The following TNFSF13 variants were observed in gnomAD, a reference collection of about 807,000 sequenced individuals.
TNFSF13 encodes the protein tumor necrosis factor ligand superfamily member 13.
Under a neutral mutation model 30.7 loss-of-function variants are expected in TNFSF13, and 18 were observed. The observed-to-expected ratio is 0.59, with a 90% CI of 0.41 to 0.87. The LOEUF is 0.87. Ranked by LOEUF, TNFSF13 falls within the 40% of genes least tolerant of loss-of-function variation. TNFSF13 has a pLI of 0.00. For synonymous variants in TNFSF13, 116 were observed against 123.2 expected, an observed-to-expected ratio of 0.94 and a Z score of 0.39; for missense variants, 286 against 308.8, an observed-to-expected ratio of 0.93 and a Z score of 0.55.
chr17:7,560,005 C>T (rs369366358), intron 3 of TNFSF13, 44 bp from the exon 4 acceptor site: 2 of 1,614,080 alleles, frequency 1.2e-6, no homozygotes, highest in Admixed American at 1.7e-5. Context: ...CAAAAAGCAC[C>T]TGAGAGTGCC....
Position 7,560,055 on chromosome 17 carries a change from C to T in TNFSF13, c.392C>T (p.Ser131Phe). ...GACACACTCTCACCTCCAGATGACT[C>T]CGATGTGACAGAGGTGATGTGGCAA... ...VPINATSKDD[S>F]DVTEVMWQPA... The change falls in exon 4 of 6, where the codon TCC (serine) becomes TTC (phenylalanine). Residue 131 changes from serine to phenylalanine, a missense_variant. Physicochemically the swap from Ser to Phe is radical, Grantham distance 155. Transcript: ENST00000338784. 6.2e-7 allele frequency: 1 copy of T among 1,614,124 alleles called. No individual in the cohort carries two copies. Among genetic ancestry groups the T allele is most frequent in the African/African-American group, 1.3e-5 (1 of 75,022 alleles).
Position 7,561,095 on chromosome 17 carries a change from T to A in TNFSF13, c.*262T>A. 5.0e-6 allele frequency: 8 copies of A among 1,598,088 alleles called. No individual in the cohort carries two copies. The South Asian group carries it at 8.8e-5, about 18-fold the overall frequency. ...GGCGGGGGACGGGCGCCAGGCATTGTCCAGACCTGGTCGGGGCCCACTGGA... is the reference window on the plus strand; with the variant it reads ...GGCGGGGGACGGGCGCCAGGCATTGACCAGACCTGGTCGGGGCCCACTGGA... On this transcript the variant is annotated 3_prime_UTR_variant, in exon 6 of 6. Transcript: ENST00000338784. The surrounding 1 kb of genome is among the most constrained non-coding windows in gnomAD (Gnocchi z 4.4).
Position 7,560,627 on chromosome 17 carries a change from A to C in TNFSF13, c.644-97A>C, listed in dbSNP as rs1051398741. ...GAAGTGCAGAATGCCGGGTCCTTAC[A>C]GGAGGCAGAGGAACGGTGGAGCTGG... On this transcript the variant is annotated intron_variant, in intron 5 of 5. Transcript: ENST00000338784. 3.7e-6 allele frequency: 6 copies of C among 1,611,450 alleles called. No homozygotes were observed. In the African/African-American group the frequency reaches 8.0e-5, roughly 22 times the overall value.
chr17:7,560,310 A>T, intron 4 of TNFSF13, 40 bp from the exon 5 acceptor site: 1 of 1,612,958 alleles, frequency 6.2e-7, no homozygotes, highest in Non-Finnish European at 8.5e-7. Flanking sequence ...GAACTGAGCC[A>T]GGCCATCCTG....
chr17:7,560,534 GGT>G, intron 5 of TNFSF13, 46 bp downstream of exon 5: 1 of 1,613,170 alleles, frequency 6.2e-7, no homozygotes, highest in Non-Finnish European at 8.5e-7. Flanking sequence ...TCTGACCGGG[GGT>G]AGCAGTGCAG....
Position 7,559,648 on chromosome 17 carries a change from G to A in TNFSF13, c.283G>A (p.Glu95Lys), listed in dbSNP as rs768398772. Reference protein sequence around the residue: ...EQSSDALEAWENGERSRKRRA... With the variant: ...EQSSDALEAWKNGERSRKRRA... Reference sequence around the variant, plus strand: ...GAGTTCCGATGCCCTGGAAGCCTGGGAGAATGGGGAGAGATCCCGGAAAAG... The same window carrying A: ...GAGTTCCGATGCCCTGGAAGCCTGGAAGAATGGGGAGAGATCCCGGAAAAG... Residue 95 changes from glutamate (E) to lysine (K), a missense_variant, in exon 2 of 6, where the codon GAG becomes AAG. Transcript: ENST00000338784. The surrounding 1 kb of genome is among the most constrained non-coding windows in gnomAD (Gnocchi z 5.4). The A allele has an allele frequency of 3.4e-5, 55 of 1,613,548 alleles. No homozygotes were observed. The highest frequency in any genetic ancestry group is 2.3e-4 in the African/African-American group (17 of 74,880).
rs1453142871 is a variant in TNFSF13 at position 7,559,346 on chromosome 17, G to T, written c.258+49G>T. On this transcript the variant is annotated intron_variant, in intron 1 of 5. Transcript: ENST00000338784. The surrounding 1 kb of genome is among the most constrained non-coding windows in gnomAD (Gnocchi z 5.4). The stretch of plus-strand genomic sequence containing the variant: ...TGGGAGAGGATGGTTAGCATGGGGG[G>T]TCTCTGGGCCTCCTGGTCTGCAAAG... 6 of 1,527,180 alleles carry T rather than the reference G, an allele frequency of 3.9e-6. No homozygotes were observed. Among genetic ancestry groups the T allele is most frequent in the East Asian group, 2.3e-5 (1 of 43,074 alleles). 94.6% of individuals were successfully genotyped at this position (1,527,180 alleles called of 1,614,324 possible).
At chr17:7,560,663 G>A in intron 5 of TNFSF13, 61 bp from the exon 6 acceptor site, 1 of 1,612,996 alleles carries the variant, frequency 6.2e-7, no homozygotes, top group South Asian at 1.1e-5. Context: ...AGAAGGCAGG[G>A]GGAAACAGGG....
In TNFSF13 at chr17:7,560,185, C is replaced by CT. The variant is rs1421639612; in HGVS notation, c.504+19dup. The CT allele has an allele frequency of 1.2e-6, 2 of 1,613,924 alleles. No homozygotes were observed. The highest frequency in any genetic ancestry group is 1.7e-6 in the Non-Finnish European group (2 of 1,179,936). ...ATAGCCAGGTAACCCCAGCCACACT[C>CT]TGAGCTTCACAGAGGGCCTCTTTGG... On this transcript the variant is annotated intron_variant, in intron 4 of 5. Coordinates refer to ENST00000338784, the MANE Select transcript of TNFSF13 (RefSeq NM_003808.4).
Position 7,559,409 on chromosome 17 carries a change from G to T in TNFSF13, c.258+112G>T. 1 of 1,447,516 alleles carries T rather than the reference G, an allele frequency of 6.9e-7. No homozygotes were observed. The highest frequency in any genetic ancestry group is 1.4e-5 in the African/African-American group (1 of 69,958). 89.7% of individuals were successfully genotyped at this position (1,447,516 alleles called of 1,614,324 possible). A position where few individuals can be genotyped will look rare whatever the true frequency, so the allele number is the denominator to read the frequency against. On this transcript the variant is annotated intron_variant, in intron 1 of 5. Coordinates refer to ENST00000338784, the MANE Select transcript of TNFSF13 (RefSeq NM_003808.4). The surrounding 1 kb of genome is among the most constrained non-coding windows in gnomAD (Gnocchi z 5.4). ...GCAAGAGAGGGTCTCCGGTTTGGAA[G>T]TCAGGGGCGCGGCCATTCCAGGAAA...
rs1394847523 is a variant in TNFSF13 at position 7,561,201 on chromosome 17, C to T, written c.*368C>T. 7 of 789,610 alleles carry T rather than the reference C, an allele frequency of 8.9e-6. No individual in the cohort carries two copies. The East Asian group carries it at 1.7e-4, about 20-fold the overall frequency. The allele number at this position is 789,610 out of a possible 1,614,324, so 48.9% of individuals were successfully genotyped here. ...TGGCCGAAGTCCACGAAGCCGCCCT[C>T]TGCTAGGGAAAACCCCTGGTTCTCC... is the stretch of plus-strand genomic sequence containing the variant. On this transcript the variant is annotated 3_prime_UTR_variant, in exon 6 of 6. Coordinates refer to ENST00000338784, the MANE Select transcript of TNFSF13 (RefSeq NM_003808.4). The surrounding 1 kb of genome is among the most constrained non-coding windows in gnomAD (Gnocchi z 4.4).
rs756317144 is a variant in TNFSF13 at position 7,559,600 on chromosome 17, C to T, written c.259-24C>T. 2.4e-5 allele frequency: 39 copies of T among 1,611,408 alleles called. No individual in the cohort carries two copies. In the South Asian group the frequency reaches 4.3e-4, roughly 18 times the overall value. On this transcript the variant is annotated intron_variant, in intron 1 of 5. Transcript: ENST00000338784. The surrounding 1 kb of genome is among the most constrained non-coding windows in gnomAD (Gnocchi z 5.4). ...CTGGGACCCTCGCATCTTAACCTAA[C>T]CTTGACCCTCTTTCCATGAGCAGAG... is the stretch of plus-strand genomic sequence containing the variant.
chr17:7,559,374 T>C lies in TNFSF13; in HGVS notation c.258+77T>C. On this transcript the variant is annotated intron_variant, in intron 1 of 5. Coordinates refer to ENST00000338784, the MANE Select transcript of TNFSF13 (RefSeq NM_003808.4). The surrounding 1 kb of genome is among the most constrained non-coding windows in gnomAD (Gnocchi z 5.4). Reference sequence around the variant, plus strand: ...TCTGGGCCTCCTGGTCTGCAAAGTTTCAAGGGGGTGCAAGAGAGGGTCTCC... The same window carrying C: ...TCTGGGCCTCCTGGTCTGCAAAGTTCCAAGGGGGTGCAAGAGAGGGTCTCC... 2 of 1,482,966 alleles carry C rather than the reference T, an allele frequency of 1.3e-6. No homozygotes were observed. The highest frequency in any genetic ancestry group is 2.8e-5 in the South Asian group (2 of 72,426). 91.9% of individuals were successfully genotyped at this position (1,482,966 alleles called of 1,614,324 possible).
chr17:7,560,673 G>A (rs369516848), intron 5 of TNFSF13, 51 bp from the exon 6 acceptor site: 1 of 1,613,334 alleles, frequency 6.2e-7, no homozygotes, highest in Non-Finnish European at 8.5e-7. Flanking sequence ...GGGAAACAGG[G>A]CATCTGGATG....
chr17:7,559,978 GGTGAAAGGGAAAGAACCAAAAA>G lies in TNFSF13; in HGVS notation c.386-69_386-48del. 6.2e-7 allele frequency: 1 copy of G among 1,613,906 alleles called. No individual in the cohort carries two copies. Among genetic ancestry groups the G allele is most frequent in the South Asian group, 1.1e-5 (1 of 91,072 alleles). On this transcript the variant is annotated intron_variant, in intron 3 of 5. Transcript: ENST00000338784. This position sits in a 1 kb window ranked among gnomAD's most constrained non-coding sequence, Gnocchi z 5.4. ...CACTTGGGCTCAAGGGGTCCTTATA[GGTGAAAGGGAAAGAACCAAAAA>G]GCACCTGAGAGTGCCAAGAAGTCCT...
In TNFSF13 at chr17:7,559,771, G is replaced by A. The variant is rs1288708385; in HGVS notation, c.337+69G>A. 6.2e-7 allele frequency: 1 copy of A among 1,614,042 alleles called. No homozygotes were observed. Among genetic ancestry groups the A allele is most frequent in the South Asian group, 1.1e-5 (1 of 91,068 alleles). On this transcript the variant is annotated intron_variant, in intron 2 of 5. Transcript: ENST00000338784. This position sits in a 1 kb window ranked among gnomAD's most constrained non-coding sequence, Gnocchi z 5.4. ...GCGTGGGGATTGTAAGCCCGAGTCA[G>A]GGTGAGGGTGGAGGCTGCCAACAGC...
At chr17:7,558,697 C>T (rs187256434), upstream of TNFSF13, 642 of 175,696 alleles carry the variant, frequency 3.7e-3, 3 homozygotes, top group Non-Finnish European at 6.0e-3. This position sits in a 1 kb window ranked among gnomAD's most constrained non-coding sequence, Gnocchi z 4.3. Flanking sequence ...CCTTCCCTCC[C>T]CCAACCCTGG....
At position 7,559,218 on chromosome 17, in the gene TNFSF13, G is replaced by C. The variant is rs1295405624; in HGVS notation, c.179G>C (p.Arg60Thr). ...TQQTELQSLR[R>T]EVSRLQGTGG... The stretch of plus-strand genomic sequence containing the variant: ...CAAACAGAGCTGCAGAGCCTCAGGA[G>C]AGAGGTGAGCCGGCTGCAGGGGACA... The change falls in exon 1 of 6, where the codon AGA becomes ACA. Residue 60 changes from arginine (R) to threonine (T), a missense_variant. Transcript: ENST00000338784. The surrounding 1 kb of genome is among the most constrained non-coding windows in gnomAD (Gnocchi z 5.4). The C allele has an allele frequency of 1.9e-6, 3 of 1,611,746 alleles. No homozygotes were observed. The highest frequency in any genetic ancestry group is 2.5e-6 in the Non-Finnish European group (3 of 1,179,664).
At position 7,559,868 on chromosome 17, in the gene TNFSF13, G is replaced by T. The variant is rs1453747995; in HGVS notation, c.360G>T (p.Leu120=). Reference sequence around the variant, plus strand: ...CAGAGCAGCACTCTGTCCTGCACCTGGTTCCCATTAACGCCACCTCCAAGG... The same window carrying T: ...CAGAGCAGCACTCTGTCCTGCACCTTGTTCCCATTAACGCCACCTCCAAGG... ...KQKKQHSVLH[L]VPINATSKDD... is the part of the protein sequence containing the mutation. Residue 120 remains leucine, a synonymous_variant, in exon 3 of 6, where the codon CTG becomes CTT. Transcript: ENST00000338784. This position sits in a 1 kb window ranked among gnomAD's most constrained non-coding sequence, Gnocchi z 5.4. 2 of 1,613,980 alleles carry T rather than the reference G, an allele frequency of 1.2e-6. No homozygotes were observed. Among genetic ancestry groups the T allele is most frequent in the South Asian group, 2.2e-5 (2 of 91,072 alleles).
Sources: allele counts gnomAD v4.1 joint callset, GRCh38; gene constraint gnomAD v4.1.1; non-coding constraint Gnocchi (gnomAD v3.1); transcripts MANE v1.5; gene names NCBI Gene and HGNC (gene_info 2026-07-23, HGNC 2026-07-21).